Variants in MAPK8IP3 observed in about 807,000 individuals in gnomAD.
MAPK8IP3 encodes C-Jun-amino-terminal kinase-interacting protein 3.
MAPK8IP3 carries 49 observed loss-of-function variants against 157.8 expected under a neutral mutation model. That is an observed-to-expected ratio of 0.31 (90% CI 0.25 to 0.39). The LOEUF is 0.39. MAPK8IP3 is among the 10% of genes least tolerant of loss of function. The pLI, the probability that MAPK8IP3 is intolerant of heterozygous loss-of-function variation, is 1.00. For synonymous variants in MAPK8IP3, 897 were observed against 777.7 expected (o/e 1.15, Z -2.55); for missense variants, 1,478 against 1,889.4 (o/e 0.78, Z 4.04).
At chr16:1,735,534 CGTGT>C (rs1236394560) in intron 4 of MAPK8IP3, among the ~76,000 whole-genome samples, 1 of 123,206 alleles carries the variant, frequency 8.1e-6, no homozygotes, top group African/African-American at 3.4e-5. Context: ...TGTGACCGTC[CGTGT>C]GAGCGTCCGT....
chr16:1,759,984 C>T lies in MAPK8IP3; in HGVS notation c.1273C>T (p.Leu425=). The T allele has an allele frequency of 1.9e-6, 3 of 1,614,200 alleles. No homozygotes were observed. The highest frequency in any genetic ancestry group is 2.5e-6 in the Non-Finnish European group (3 of 1,180,016). ...AATGGGCAAAGAAGTGGGGAATCTG[C>T]TACTGGAAAACTCACAGCTTCTGGA... ...FGMGKEVGNL[L]LENSQLLETK... is the part of the protein sequence containing the mutation. The change falls in exon 11 of 32, where the codon CTA becomes TTA. Residue 425 remains leucine (L), a synonymous_variant. Coordinates refer to ENST00000610761, the MANE Select transcript of MAPK8IP3 (RefSeq NM_001318852.2).
At chr16:1,755,771 C>T (rs572231025) in intron 8 of MAPK8IP3, among the ~76,000 whole-genome samples, 2 of 150,158 alleles carry the variant, frequency 1.3e-5, no homozygotes, top group Admixed American at 6.7e-5. Context: ...CGCTTGAACC[C>T]GAGACGTGGA....
At position 1,743,869 on chromosome 16, in the gene MAPK8IP3, C is replaced by T; in HGVS notation, c.747+393C>T. The T allele has an allele frequency of 9.2e-7, 1 of 1,083,386 alleles. No homozygotes were observed. Among genetic ancestry groups the T allele is most frequent in the Non-Finnish European group, 1.1e-6 (1 of 890,966 alleles). The allele number at this position is 1,083,386 out of a possible 1,614,324, so 67.1% of individuals were successfully genotyped here. Reference sequence around the variant, plus strand: ...GCCAGACACATCCTGCCCCTGAGAGCCACGCCTCTACTCTCGGAGGAACGT... The same window carrying T: ...GCCAGACACATCCTGCCCCTGAGAGTCACGCCTCTACTCTCGGAGGAACGT... On this transcript the variant is annotated intron_variant, in intron 5 of 31. Transcript: ENST00000610761. The surrounding 1 kb of genome is among the most constrained non-coding windows in gnomAD (Gnocchi z 5.6).
At position 1,747,210 on chromosome 16, in the gene MAPK8IP3, G is replaced by A. The variant is rs373340475; in HGVS notation, c.929G>A (p.Arg310Gln). The change falls in exon 6 of 32, where the codon CGG becomes CAG. Residue 310 changes from arginine to glutamine, a missense_variant. By Grantham distance (43) the Arg-to-Gln change is conservative. Around this residue, in one of 11 missense-constraint regions of MAPK8IP3, gnomAD observed 315 missense variants for 394.4 expected, o/e 0.80. Transcript: ENST00000610761. ...GGCTCCAAGAACAGCAAGCGTGCCCGGGAGAAGCGCGACAGCCGCAACATG... is the reference window on the plus strand; with the variant it reads ...GGCTCCAAGAACAGCAAGCGTGCCCAGGAGAAGCGCGACAGCCGCAACATG... The part of the protein sequence containing the change: ...GVGSKNSKRA[R>Q]EKRDSRNMEV... The A allele has an allele frequency of 1.3e-4, 214 of 1,613,644 alleles. No individual in the cohort carries two copies. The highest frequency in any genetic ancestry group is 1.7e-4 in the Non-Finnish European group (202 of 1,180,026).
At chr16:1,727,723 G>A (rs1426780251) in intron 2 of MAPK8IP3, among the ~76,000 whole-genome samples, 1 of 152,202 alleles carries the variant, frequency 6.6e-6, no homozygotes, top group Non-Finnish European at 1.5e-5. Context: ...CGCCTATGCT[G>A]CTCCTCGGGG....
chr16:1,738,859 G>GTCCGTGTGAGCGTGTGAGCA (rs1375466080), intron 4 of MAPK8IP3, among the ~76,000 whole-genome samples: 3,154 of 90,360 alleles, frequency 0.035, 474 homozygotes, highest in East Asian at 0.066. Context: ...GCGTGTGAGC[G>GTCCGTGTGAGCGTGTGAGCA]TCCGTGTGAG....
chr16:1,736,997 C>CATCT (rs1567165918), intron 4 of MAPK8IP3, among the ~76,000 whole-genome samples: 1 of 57,840 alleles, frequency 1.7e-5, no homozygotes, highest in Non-Finnish European at 3.2e-5. Flanking sequence ...TCCGTGTGAG[C>CATCT]GTGTGACCGT....
chr16:1,728,375 A>T (rs907533372), intron 2 of MAPK8IP3, among the ~76,000 whole-genome samples: 3 of 152,150 alleles, frequency 2.0e-5, no homozygotes, highest in Admixed American at 2.0e-4. Flanking sequence ...CGTGTCCAGG[A>T]GGTTACTCAC....
chr16:1,744,090 G>A, intron 5 of MAPK8IP3: 1 of 986,872 alleles, frequency 1.0e-6, no homozygotes, highest in Non-Finnish European at 1.2e-6. Flanking sequence ...GCCGGTGAGT[G>A]CACCTCAGAG....
chr16:1,734,071 A>G (rs8044780), intron 4 of MAPK8IP3, among the ~76,000 whole-genome samples: 40,598 of 152,170 alleles, frequency 0.27, 6,477 homozygotes, highest in African/African-American at 0.44. Flanking sequence ...CCAGGTTTAC[A>G]CCAAAGCCTT....
intron 1 of MAPK8IP3, among the ~76,000 whole-genome samples, chr16:1,708,576 G>C (rs546397450): frequency 6.6e-6 from 1 of 152,310 alleles, no homozygotes; most frequent in East Asian, 1.9e-4. Flanking sequence ...AGCTCTGTGC[G>C]GTTCACATGC....
chr16:1,743,495 G>T lies in MAPK8IP3; in HGVS notation c.747+19G>T. ...CTACCAGGTTTTGTAGCCGTGCCGT[G>T]GAGTGAGAGGCTCCTCCCTGTTGCT... is the stretch of plus-strand genomic sequence containing the variant. On this transcript the variant is annotated intron_variant, in intron 5 of 31. Coordinates refer to ENST00000610761, the MANE Select transcript of MAPK8IP3 (RefSeq NM_001318852.2). The surrounding 1 kb of genome is among the most constrained non-coding windows in gnomAD (Gnocchi z 5.6). 1 of 1,605,678 alleles carries T rather than the reference G, an allele frequency of 6.2e-7. No individual in the cohort carries two copies.
rs1315267817 is a variant in MAPK8IP3, at chr16:1,710,885, G to C, written c.318+4228G>C. 6.6e-6 allele frequency among the ~76,000 whole-genome samples: 1 copy of C among 152,208 alleles called. No individual in the cohort carries two copies. Among genetic ancestry groups the C allele is most frequent in the Non-Finnish European group, 1.5e-5 (1 of 68,040 alleles). ...CTGGTGTAGCTGTACCACTCACCAG[G>C]AGTACAGCAGTCTCCCTAAAAAGTG... On this transcript the variant is annotated intron_variant, in intron 1 of 31. Transcript: ENST00000610761. The surrounding 1 kb of genome is among the most constrained non-coding windows in gnomAD (Gnocchi z 4.1).
intron 1 of MAPK8IP3, chr16:1,713,883 A>G (rs1365014133): frequency 2.6e-5 from 4 of 152,166 alleles, no homozygotes; most frequent in Non-Finnish European, 5.9e-5. Context: ...ACGTATAAAC[A>G]CCAGAAGCCA....
chr16:1,750,136 C>G (rs563604911), intron 8 of MAPK8IP3, among the ~76,000 whole-genome samples: 1 of 152,184 alleles, frequency 6.6e-6, no homozygotes, highest in Admixed American at 6.5e-5. Context: ...TCAGAAAAAT[C>G]CTGCTAAATA....
At chr16:1,744,929 G>T (rs951368344) in intron 5 of MAPK8IP3, 23 of 976,740 alleles carry the variant, frequency 2.4e-5, no homozygotes, top group East Asian at 1.1e-4. Flanking sequence ...TAATTTTTTT[G>T]TTGTTTTTTG....
intron 13 of MAPK8IP3, among the ~76,000 whole-genome samples, chr16:1,761,520 ATTCACCATTCACAGGCAGGGCGGCCG>A (rs1298778306): frequency 4.5e-4 from 66 of 146,566 alleles, no homozygotes; most frequent in African/African-American, 1.6e-3. Flanking sequence ...GGCGGCCACC[ATTCACCATTCACAGGCAGGGCGGCCG>A]CCATTCACCA....
At position 1,762,911 on chromosome 16, in the gene MAPK8IP3, C is replaced by T. The variant is rs777280129; in HGVS notation, c.1803C>T (p.Tyr601=). Residue 601 remains tyrosine, a synonymous_variant, in exon 16 of 32, where the codon TAC becomes TAT. Coordinates refer to ENST00000610761, the MANE Select transcript of MAPK8IP3 (RefSeq NM_001318852.2). ...CCTATCCCTCGGTGAACATCCACTA[C>T]AAGTCACCCACCACTGCCGGCTTCA... ...KRPYPSVNIH[Y]KSPTTAGFSQ... The T allele has an allele frequency of 1.9e-6, 3 of 1,613,084 alleles. No homozygotes were observed. The highest frequency in any genetic ancestry group is 2.5e-6 in the Non-Finnish European group (3 of 1,179,996).
chr16:1,738,622 ATCGGTGTGAGCG>A (rs2040288372), intron 4 of MAPK8IP3, among the ~76,000 whole-genome samples: 1 of 84,050 alleles, frequency 1.2e-5, no homozygotes, highest in Non-Finnish European at 2.2e-5. Context: ...CCGTGTGAGC[ATCGGTGTGAGCG>A]TGTGAGCGTC....
Sources: gnomAD v4.1 joint callset for allele counts (sites outside exome capture counted in the v4.1 genomes callset) on GRCh38, gnomAD v4.1.1 for gene constraint, gnomAD v4.1.1 regional missense constraint, Gnocchi (gnomAD v3.1) non-coding constraint, MANE v1.5 for transcripts, NCBI Gene and HGNC (gene_info 2026-07-23, HGNC 2026-07-21) for gene names.